The following HHIPL1 variants were observed in gnomAD, a reference collection of about 807,000 sequenced individuals.
HHIPL1 encodes the protein HHIP like 1.
HHIPL1 carries 43 observed loss-of-function variants against 61.8 expected under a neutral mutation model. The observed-to-expected ratio is 0.70, with a 90% CI of 0.55 to 0.90. The LOEUF (loss-of-function observed/expected upper bound fraction) is 0.90. Ranked by LOEUF, HHIPL1 falls within the 40% of genes least tolerant of loss-of-function variation. The pLI is 0.00. For missense variants in HHIPL1, 1,056 were observed against 1,157.7 expected (o/e 0.91, Z 1.28); for synonymous variants, 482 against 515.8 (o/e 0.93, Z 0.89).
chr14:99,626,639 C>T, the HHIPL1 span, among the ~76,000 whole-genome samples: 1 of 152,184 alleles, frequency 6.6e-6, no homozygotes, highest in African/African-American at 2.4e-5. Context: ...CTGAGAAGGG[C>T]TGGGGTAATT....
the HHIPL1 span, among the ~76,000 whole-genome samples, chr14:99,621,063 T>C: frequency 9.9e-5 from 15 of 152,168 alleles, no homozygotes; most frequent in South Asian, 8.3e-4. Context: ...CCACCCTAGG[T>C]CACCACCTGA....
intron 6 of HHIPL1, among the ~76,000 whole-genome samples, chr14:99,666,472 A>AT (rs1222062535): frequency 6.6e-6 from 1 of 152,114 alleles, no homozygotes; most frequent in Non-Finnish European, 1.5e-5. Context: ...CAGCCTTGTC[A>AT]TTTTACCAAT....
At chr14:99,636,833 A>G in the HHIPL1 span, among the ~76,000 whole-genome samples, 1 of 151,602 alleles carries the variant, frequency 6.6e-6, no homozygotes, top group Non-Finnish European at 1.5e-5. Flanking sequence ...CAAAAAAATA[A>G]AAAATTAGCC....
intron 1 of HHIPL1, 83 bp downstream of exon 1, chr14:99,645,545 G>A: frequency 8.2e-7 from 1 of 1,218,222 alleles, no homozygotes; most frequent in Non-Finnish European, 1.0e-6. Flanking sequence ...GCGGGGGCGA[G>A]GGCCAAGAGT....
rs758026432 is a variant in HHIPL1 at position 99,675,799 on chromosome 14, C to G, written c.*173C>G. 1 of 592,956 alleles carries G rather than the reference C, an allele frequency of 1.7e-6. No homozygotes were observed. The highest frequency in any genetic ancestry group is 1.9e-5 in the African/African-American group (1 of 51,310). The allele number at this position is 592,956 out of a possible 1,614,324, so 36.7% of individuals were successfully genotyped here. A position where few individuals can be genotyped will look rare whatever the true frequency, so the allele number is the denominator to read the frequency against. ...CAGTGCATGTGTGTCCTCTGCAGAC[C>G]CAAGGCAGGAGTGTGTGTTGGGGGC... On this transcript the variant is annotated 3_prime_UTR_variant, in exon 9 of 9. Transcript: ENST00000330710. This position sits in a 1 kb window ranked among gnomAD's most constrained non-coding sequence, Gnocchi z 5.4.
At chr14:99,657,920 CACACATACAT>C (rs368290407) in intron 3 of HHIPL1, among the ~76,000 whole-genome samples, 2,788 of 152,076 alleles carry the variant, frequency 0.018, 78 homozygotes, top group African/African-American at 0.064. Context: ...CACACACATA[CACACATACAT>C]ACACATACAC....
chr14:99,663,082 T>C, intron 6 of HHIPL1, 61 bp downstream of exon 6: 2 of 1,482,212 alleles, frequency 1.3e-6, no homozygotes, highest in East Asian at 4.7e-5. Flanking sequence ...TCCTCCACCC[T>C]GTGGTCCTTC....
Position 99,656,188 on chromosome 14 carries a change from G to C in HHIPL1, c.903-812G>C, listed in dbSNP as rs1052206912. Among the ~76,000 whole-genome samples the C allele has an allele frequency of 3.3e-5, 5 of 152,238 alleles. No homozygotes were observed. In the East Asian group the frequency reaches 9.6e-4, roughly 29 times the overall value. ...AAGTAACTAGTGTGTGGGAAGCTAT[G>C]ATGAGGAAGAAACCAGCTGTGTCAG... On this transcript the variant is annotated intron_variant, in intron 2 of 8. Coordinates refer to ENST00000330710, the MANE Select transcript of HHIPL1 (RefSeq NM_001127258.3).
At position 99,652,937 on chromosome 14, in the gene HHIPL1, C is replaced by T. The variant is rs1440742730; in HGVS notation, c.902+67C>T. ...CCCATATGCACTGGTGTGACAGGAC[C>T]AGTTGGTATCCTGTTCTCACATATT... On this transcript the variant is annotated intron_variant, in intron 2 of 8. Transcript: ENST00000330710. 2.8e-6 allele frequency: 4 copies of T among 1,439,326 alleles called. No homozygotes were observed. The African/African-American group carries it at 5.6e-5, about 20-fold the overall frequency. The allele number at this position is 1,439,326 out of a possible 1,614,324, so 89.2% of individuals were successfully genotyped here.
Position 99,645,213 on chromosome 14 carries a change from C to A in HHIPL1, c.6C>A (p.Ala2=). ...TTCCCCCGCGGGGCGTAGCGATGGC[C>A]CGGGCCAGGGCCGGGGCGCTGCTGG... is the stretch of plus-strand genomic sequence containing the variant. M[A]RARAGALLAL... is the part of the protein sequence containing the mutation. The change falls in exon 1 of 9, where the codon GCC becomes GCA. Residue 2 remains alanine (A), a synonymous_variant. Coordinates refer to ENST00000330710, the MANE Select transcript of HHIPL1 (RefSeq NM_001127258.3). 1.5e-6 allele frequency: 2 copies of A among 1,291,754 alleles called. No individual in the cohort carries two copies. The highest frequency in any genetic ancestry group is 3.2e-5 in the East Asian group (1 of 31,520). 80.0% of individuals were successfully genotyped at this position (1,291,754 alleles called of 1,614,324 possible). A position where few individuals can be genotyped will look rare whatever the true frequency, so the allele number is the denominator to read the frequency against.
intron 8 of HHIPL1, 111 bp from the exon 9 acceptor site, chr14:99,674,980 C>A: frequency 2.0e-6 from 1 of 489,958 alleles, no homozygotes; most frequent in South Asian, 8.8e-5. Flanking sequence ...CCCAGGACAT[C>A]CTTCCCCGAG....
the HHIPL1 span, among the ~76,000 whole-genome samples, chr14:99,629,783 G>A: frequency 3.3e-5 from 5 of 152,338 alleles, no homozygotes; most frequent in African/African-American, 9.6e-5. Flanking sequence ...GATTACAGGC[G>A]TAAGCCACCG....
At chr14:99,666,754 C>A (rs538429571) in intron 6 of HHIPL1, among the ~76,000 whole-genome samples, 8 of 152,282 alleles carry the variant, frequency 5.3e-5, no homozygotes, top group African/African-American at 1.4e-4. Context: ...ACCCGGGGAC[C>A]CCCAATGCTG....
rs749181180 is a variant in HHIPL1, at chr14:99,652,897, G to T, written c.902+27G>T. ...TGGCTTCCTTGGGGAACCCGGGCCT[G>T]GGTGGGGGCAGGCACCCATATGCAC... On this transcript the variant is annotated intron_variant, in intron 2 of 8. Transcript: ENST00000330710. The T allele has an allele frequency of 8.4e-5, 135 of 1,601,108 alleles. 3 individuals are homozygous for T. In the South Asian group the frequency reaches 1.5e-3, roughly 17 times the overall value.
chr14:99,674,423 G>A (rs1038302936), intron 8 of HHIPL1, among the ~76,000 whole-genome samples: 8 of 152,090 alleles, frequency 5.3e-5, no homozygotes, highest in Non-Finnish European at 8.8e-5. Context: ...CAGGCTCTGT[G>A]GTGGGGTATA....
In HHIPL1 at chr14:99,675,189, A is replaced by G. The variant is rs1384342746; in HGVS notation, c.1912A>G (p.Thr638Ala). The change falls in exon 9 of 9, where the codon ACC (threonine) becomes GCC (alanine). Residue 638 changes from threonine (T) to alanine (A), a missense_variant. By Grantham distance (58) the Thr-to-Ala change is moderately conservative. Coordinates refer to ENST00000330710, the MANE Select transcript of HHIPL1 (RefSeq NM_001127258.3). This position sits in a 1 kb window ranked among gnomAD's most constrained non-coding sequence, Gnocchi z 5.4. Reference protein sequence around the residue: ...GRPTAAPPAPTPRPARPTQQP... With the variant: ...GRPTAAPPAPAPRPARPTQQP... ...CCCCACGGCCGCTCCCCCCGCGCCA[A>G]CCCCGCGGCCAGCGCGGCCCACCCA... 3 of 1,140,672 alleles carry G rather than the reference A, an allele frequency of 2.6e-6. No individual in the cohort carries two copies. The highest frequency in any genetic ancestry group is 3.3e-6 in the Non-Finnish European group (3 of 922,940). The allele number at this position is 1,140,672 out of a possible 1,614,324, so 70.7% of individuals were successfully genotyped here. A position where few individuals can be genotyped will look rare whatever the true frequency, so the allele number is the denominator to read the frequency against.
At chr14:99,673,264 T>G (rs1378660270) in intron 8 of HHIPL1, among the ~76,000 whole-genome samples, 1 of 151,674 alleles carries the variant, frequency 6.6e-6, no homozygotes, top group African/African-American at 2.4e-5. Flanking sequence ...TGGAAGTGAG[T>G]TCTGGCCACA....
chr14:99,670,707 T>G (rs2056318071), intron 7 of HHIPL1, among the ~76,000 whole-genome samples: 1 of 152,214 alleles, frequency 6.6e-6, no homozygotes, highest in Non-Finnish European at 1.5e-5. Flanking sequence ...TGTGGTTGTA[T>G]TTGGATCACA....
the HHIPL1 span, among the ~76,000 whole-genome samples, chr14:99,637,208 G>GAA: frequency 3.7e-5 from 3 of 81,064 alleles, no homozygotes; most frequent in Admixed American, 1.1e-4. Flanking sequence ...AAGGAAGAAA[G>GAA]AAAGAAAGAA....
Sources: allele counts gnomAD v4.1 joint callset (sites outside exome capture counted in the v4.1 genomes callset), GRCh38; gene constraint gnomAD v4.1.1; non-coding constraint Gnocchi (gnomAD v3.1); transcripts MANE v1.5; gene names NCBI Gene and HGNC (gene_info 2026-07-23, HGNC 2026-07-21).